The following USP54 variants were observed in gnomAD, a reference collection of about 807,000 sequenced individuals.
The protein encoded by USP54 is ubiquitin carboxyl-terminal hydrolase 54.
Under a neutral mutation model 170.5 loss-of-function variants are expected in USP54, and 87 were observed. That is an observed-to-expected ratio of 0.51 (90% CI 0.43 to 0.61). USP54 has a LOEUF of 0.61. Ranked by LOEUF, USP54 falls within the 20% of genes least tolerant of loss-of-function variation. The pLI, the probability that USP54 is intolerant of heterozygous loss-of-function variation, is 0.00. For missense variants in USP54, 1,786 were observed against 2,047.8 expected (o/e 0.87, Z 2.47); for synonymous variants, 655 against 742.8 (o/e 0.88, Z 1.92).
At chr10:73,616,271 G>A (rs1199969488) in intron 1 of USP54, among the ~76,000 whole-genome samples, 1 of 140,870 alleles carries the variant, frequency 7.1e-6, no homozygotes, top group East Asian at 2.0e-4. Flanking sequence ...CCAGGAGGCA[G>A]AGGCTGCAGT....
chr10:73,557,255 T>G (rs1236096937), intron 4 of USP54, among the ~76,000 whole-genome samples: 1 of 151,844 alleles, frequency 6.6e-6, no homozygotes, highest in African/African-American at 2.4e-5. Context: ...AAAAAATATT[T>G]TAGTGATATG....
chr10:73,575,494 TAAAG>T lies in USP54; in HGVS notation c.147+14_147+17del. 1 of 1,567,872 alleles carries T rather than the reference TAAAG, an allele frequency of 6.4e-7. No homozygotes were observed. The highest frequency in any genetic ancestry group is 1.2e-5 in the South Asian group (1 of 83,132). The stretch of plus-strand genomic sequence containing the variant: ...ATTAAAAGTCAAAGTTCACCAAAAA[TAAAG>T]AAATGACCCTTACCTGCAGGGCACT... On this transcript the variant is annotated intron_variant, in intron 3 of 23. Transcript: ENST00000687698.
chr10:73,503,953 T>C (rs1306196825), intron 22 of USP54, among the ~76,000 whole-genome samples: 1 of 152,118 alleles, frequency 6.6e-6, no homozygotes, highest in Non-Finnish European at 1.5e-5. Context: ...TGACCTCAGG[T>C]GATCCACCAT....
chr10:73,514,914 C>T (rs1488595829), intron 20 of USP54, among the ~76,000 whole-genome samples: 2 of 151,852 alleles, frequency 1.3e-5, no homozygotes, highest in East Asian at 3.9e-4. Flanking sequence ...GTGGTGGACG[C>T]CTGTAATCTC....
At chr10:73,593,183 G>T (rs1267653005), upstream of USP54, among the ~76,000 whole-genome samples, 2 of 150,976 alleles carry the variant, frequency 1.3e-5, no homozygotes, top group African/African-American at 4.9e-5. Context: ...ACACAGGGAG[G>T]CCCCTTCTCT....
intron 23 of USP54, chr10:73,499,454 A>G (rs2057588002): frequency 2.4e-6 from 1 of 420,200 alleles, no homozygotes; most frequent in Non-Finnish European, 4.3e-6. Flanking sequence ...ATAATCTCTC[A>G]TCCACTATAC....
At chr10:73,536,230 G>A in intron 11 of USP54, 39 bp downstream of exon 11, 2 of 1,609,260 alleles carry the variant, frequency 1.2e-6, no homozygotes, top group African/African-American at 1.3e-5. Context: ...GATCGCATGG[G>A]GTGAGGAGAG....
intron 1 of USP54, among the ~76,000 whole-genome samples, chr10:73,619,508 G>A (rs2080915320): frequency 6.8e-6 from 1 of 147,076 alleles, no homozygotes; most frequent in South Asian, 2.1e-4. Context: ...ACTCTAGCCT[G>A]GGCGACAGAG....
upstream of USP54, among the ~76,000 whole-genome samples, chr10:73,593,396 G>GAAA (rs1164867066): frequency 1.3e-5 from 2 of 148,370 alleles, no homozygotes; most frequent in African/African-American, 2.5e-5. Context: ...AAAAAAAAAG[G>GAAA]AAAAATAAAA....
At chr10:73,555,510 C>G (rs940314123) in intron 4 of USP54, among the ~76,000 whole-genome samples, 3 of 152,154 alleles carry the variant, frequency 2.0e-5, no homozygotes, top group African/African-American at 7.2e-5. Flanking sequence ...AGACAAGAGA[C>G]ACAGATAAAC....
At chr10:73,541,859 C>A in intron 7 of USP54, 121 bp from the exon 8 acceptor site, 2 of 926,502 alleles carry the variant, frequency 2.2e-6, no homozygotes, top group Non-Finnish European at 1.6e-6. Flanking sequence ...ATACCAAAGC[C>A]CCTGACCAGG....
intron 1 of USP54, among the ~76,000 whole-genome samples, chr10:73,600,574 G>A (rs753497394): frequency 8.6e-5 from 13 of 152,030 alleles, no homozygotes; most frequent in Non-Finnish European, 2.9e-5. Context: ...AAACAATTGG[G>A]GCCTACTTGA....
At chr10:73,526,872 C>T (rs762283617) in intron 15 of USP54, 92 bp from the exon 16 acceptor site, 6 of 1,305,164 alleles carry the variant, frequency 4.6e-6, no homozygotes, top group Non-Finnish European at 6.3e-6. Flanking sequence ...AAAAAAAAAT[C>T]AAACTACACA....
intron 3 of USP54, among the ~76,000 whole-genome samples, chr10:73,573,220 C>T (rs1035418110): frequency 3.3e-5 from 5 of 151,822 alleles, no homozygotes; most frequent in South Asian, 2.1e-4. Context: ...GAGCCCAGGA[C>T]GTTAAGGCTG....
chr10:73,529,874 A>T lies in USP54; in HGVS notation c.1866T>A (p.Pro622=). Residue 622 remains proline (P), a synonymous_variant, in exon 15 of 24, where the codon CCT becomes CCA. Coordinates refer to ENST00000687698, the MANE Select transcript of USP54 (RefSeq NM_001391956.1). The stretch of plus-strand genomic sequence containing the variant: ...GTCCACCAAATTTAATGTCGTAAGA[A>T]GGTGGCTTGCTTGGTTCATCTGGTA... ...EFIPDEPSKP[P]SYDIKFGGPS... 6.4e-7 allele frequency: 1 copy of T among 1,552,590 alleles called. No homozygotes were observed. The highest frequency in any genetic ancestry group is 8.7e-7 in the Non-Finnish European group (1 of 1,151,406).
chr10:73,604,727 G>A (rs1031872915), intron 1 of USP54, among the ~76,000 whole-genome samples: 3 of 151,930 alleles, frequency 2.0e-5, no homozygotes, highest in South Asian at 2.1e-4. Flanking sequence ...AGCAGCTGGT[G>A]TGTCCAGAGT....
At chr10:73,575,295 C>T (rs2075959614) in intron 3 of USP54, among the ~76,000 whole-genome samples, 1 of 152,154 alleles carries the variant, frequency 6.6e-6, no homozygotes, top group African/African-American at 2.4e-5. Flanking sequence ...TATTATTTCT[C>T]TTATCATTAT....
intron 4 of USP54, among the ~76,000 whole-genome samples, chr10:73,547,619 T>A (rs1219582213): frequency 6.6e-6 from 1 of 152,048 alleles, no homozygotes; most frequent in Non-Finnish European, 1.5e-5. Flanking sequence ...CCTGACAAAA[T>A]CAAGAAATGG....
intron 12 of USP54, among the ~76,000 whole-genome samples, chr10:73,533,450 A>G (rs2064480198): frequency 6.6e-6 from 1 of 152,116 alleles, no homozygotes; most frequent in Non-Finnish European, 1.5e-5. Context: ...AGGTAAAACT[A>G]GACTGGCCAT....
Sources: gnomAD v4.1 joint callset for allele counts (sites outside exome capture counted in the v4.1 genomes callset) on GRCh38, gnomAD v4.1.1 for gene constraint, MANE v1.5 for transcripts, NCBI Gene and HGNC (gene_info 2026-07-23, HGNC 2026-07-21) for gene names.